Variants in SLC38A2 observed in about 807,000 individuals in gnomAD.
SLC38A2 encodes solute carrier family 38 member 2, also known as sodium-coupled neutral amino acid symporter 2.
A neutral mutation model predicts 61.5 loss-of-function variants in SLC38A2; 11 were observed. The observed-to-expected ratio is 0.18, with a 90% CI of 0.11 to 0.30. The LOEUF is 0.30. Among genes scored for constraint, SLC38A2 ranks in the 10% least tolerant of loss-of-function variants. The pLI is 1.00. For missense variants in SLC38A2, 522 were observed against 600.4 expected (o/e 0.87, Z 1.36); for synonymous variants, 217 against 212.5 (o/e 1.02, Z -0.18).
At position 46,359,297 on chromosome 12, in the gene SLC38A2, T is replaced by C. The variant is rs1018604525; in HGVS notation, c.*1814A>G. On this transcript the variant is annotated 3_prime_UTR_variant, in exon 16 of 16. Coordinates refer to ENST00000256689, the MANE Select transcript of SLC38A2 (RefSeq NM_018976.5). ...AATCTGTCTTCCCACTGCCTTTCTA[T>C]TTCTAGATGGCCCCCAATTATTTTA... 1 of 152,620 alleles carries C rather than the reference T, an allele frequency of 6.6e-6. No homozygotes were observed. The highest frequency in any genetic ancestry group is 1.5e-5 in the Non-Finnish European group (1 of 68,024). 9.5% of individuals were successfully genotyped at this position (152,620 alleles called of 1,614,324 possible). A position where few individuals can be genotyped will look rare whatever the true frequency, so the allele number is the denominator to read the frequency against.
chr12:46,372,595 C>T lies in SLC38A2; in HGVS notation c.-173G>A, dbSNP rs938023742. On this transcript the variant is annotated 5_prime_UTR_variant, in exon 1 of 16. Coordinates refer to ENST00000256689, the MANE Select transcript of SLC38A2 (RefSeq NM_018976.5). ...CATAAAAAACAAACAAAAAATTTCC[C>T]CAAATCCAACAACAGGCAGGAAAAA... 3.8e-5 allele frequency: 15 copies of T among 398,162 alleles called. No homozygotes were observed. Among genetic ancestry groups the T allele is most frequent in the South Asian group, 1.3e-4 (1 of 7,840 alleles). The allele number at this position is 398,162 out of a possible 1,614,324, so 24.7% of individuals were successfully genotyped here. A position where few individuals can be genotyped will look rare whatever the true frequency, so the allele number is the denominator to read the frequency against.
At chr12:46,363,171 T>C (rs781688266) in intron 12 of SLC38A2, 26 bp from the exon 13 acceptor site, 2 of 1,606,722 alleles carry the variant, frequency 1.2e-6, no homozygotes, top group South Asian at 2.2e-5. Flanking sequence ...AAAAAAACTT[T>C]GATTGGCTGT....
At chr12:46,370,688 T>C (rs1374353145) in intron 3 of SLC38A2, 61 bp from the exon 4 acceptor site, 5 of 1,553,068 alleles carry the variant, frequency 3.2e-6, no homozygotes, top group Non-Finnish European at 3.5e-6. Context: ...AAAACCAGCT[T>C]TGGGCAAGTT....
chr12:46,363,207 T>C, intron 12 of SLC38A2, 62 bp from the exon 13 acceptor site: 1 of 1,575,242 alleles, frequency 6.3e-7, no homozygotes, highest in South Asian at 1.2e-5. Context: ...AGTAGAAAAT[T>C]TAACAGCAAA....
At chr12:46,362,800 AC>A (rs1943096127) in intron 13 of SLC38A2, 162 bp from the exon 14 acceptor site, 8 of 937,010 alleles carry the variant, frequency 8.5e-6, no homozygotes, top group Non-Finnish European at 1.1e-5. Flanking sequence ...TGTTTCCTGA[AC>A]ATCTGAACAC....
At chr12:46,362,910 AC>A in intron 13 of SLC38A2, 110 bp downstream of exon 13, 1 of 1,379,200 alleles carries the variant, frequency 7.3e-7, no homozygotes, top group Non-Finnish European at 9.9e-7. Context: ...ACCACCACCA[AC>A]TTAGTATTGT....
rs1484331883 is a variant in SLC38A2, at chr12:46,362,399, T to C, written c.1325-18A>G. 2.5e-6 allele frequency: 4 copies of C among 1,604,454 alleles called. No individual in the cohort carries two copies. Among genetic ancestry groups the C allele is most frequent in the Non-Finnish European group, 3.4e-6 (4 of 1,176,638 alleles). The stretch of plus-strand genomic sequence containing the variant: ...AGATGCACCTGTAAAACAACATTTA[T>C]GTTTCTTGAGGATTCAATGAACCAC... On this transcript the variant is annotated intron_variant, in intron 14 of 15. Coordinates refer to ENST00000256689, the MANE Select transcript of SLC38A2 (RefSeq NM_018976.5).
At position 46,371,377 on chromosome 12, in the gene SLC38A2, G is replaced by T; in HGVS notation, c.-84C>A. ...CGGTGGGTGCAGCGGCCCGCGAGTCGGCCTGCGAAAGTAGAGGCGGCGCGT... is the reference window on the plus strand; with the variant it reads ...CGGTGGGTGCAGCGGCCCGCGAGTCTGCCTGCGAAAGTAGAGGCGGCGCGT... On this transcript the variant is annotated splice_region_variant and 5_prime_UTR_variant, in exon 2 of 16. Coordinates refer to ENST00000256689, the MANE Select transcript of SLC38A2 (RefSeq NM_018976.5). The T allele has an allele frequency of 8.8e-7, 1 of 1,133,564 alleles. No individual in the cohort carries two copies. The highest frequency in any genetic ancestry group is 2.4e-5 in the East Asian group (1 of 41,784). 70.2% of individuals were successfully genotyped at this position (1,133,564 alleles called of 1,614,324 possible).
intron 7 of SLC38A2, among the ~76,000 whole-genome samples, chr12:46,365,705 C>A (rs986537306): frequency 1.3e-5 from 2 of 151,972 alleles, no homozygotes; most frequent in East Asian, 1.9e-4. Context: ...CTGCCCCCCC[C>A]ATAAAAAAAA....
chr12:46,365,288 C>G, intron 7 of SLC38A2, 99 bp from the exon 8 acceptor site: 1 of 949,166 alleles, frequency 1.1e-6, no homozygotes, highest in Non-Finnish European at 1.7e-6. Context: ...ACCATGAAAA[C>G]AAACACACAA....
At chr12:46,362,888 A>T in intron 13 of SLC38A2, 133 bp downstream of exon 13, 2 of 1,162,902 alleles carry the variant, frequency 1.7e-6, no homozygotes, top group Non-Finnish European at 2.4e-6. Context: ...ATTTTTAAAA[A>T]GCCCCTTCAA....
At chr12:46,361,316 A>G in intron 15 of SLC38A2, 107 bp from the exon 16 acceptor site, 1 of 859,918 alleles carries the variant, frequency 1.2e-6, no homozygotes, top group Non-Finnish European at 1.9e-6. Context: ...TATCCACTAT[A>G]TAATCTATAG....
At chr12:46,371,406 G>T in intron 1 of SLC38A2, 27 bp from the exon 2 acceptor site, 1 of 799,690 alleles carries the variant, frequency 1.3e-6, no homozygotes, top group East Asian at 2.6e-5. Flanking sequence ...GGCGCGTCAG[G>T]ACCGCAGCGC....
chr12:46,364,740 T>C, intron 8 of SLC38A2, 38 bp from the exon 9 acceptor site: 1 of 1,562,670 alleles, frequency 6.4e-7, no homozygotes, highest in Non-Finnish European at 8.7e-7. Context: ...ATTAGTTTAA[T>C]GAAACAGATT....
chr12:46,362,792 T>C (rs1455463134), intron 13 of SLC38A2, 154 bp from the exon 14 acceptor site: 9 of 980,724 alleles, frequency 9.2e-6, no homozygotes, highest in Non-Finnish European at 1.0e-5. Flanking sequence ...TTCTCTGCTG[T>C]TTCCTGAACA....
Position 46,363,917 on chromosome 12 carries a change from T to C in SLC38A2, c.953+7A>G. 1 of 1,603,428 alleles carries C rather than the reference T, an allele frequency of 6.2e-7. No homozygotes were observed. The highest frequency in any genetic ancestry group is 1.3e-5 in the African/African-American group (1 of 74,378). Reference sequence around the variant, plus strand: ...TTCTCAAATTTATGTAAAAATGAAATACTCACTCTTTCAGTTCTTCATAGA... The same window carrying C: ...TTCTCAAATTTATGTAAAAATGAAACACTCACTCTTTCAGTTCTTCATAGA... On this transcript the variant is annotated splice_region_variant and intron_variant, in intron 11 of 15. Transcript: ENST00000256689.
At chr12:46,371,524 C>T (rs1167700268) in intron 1 of SLC38A2, 145 bp from the exon 2 acceptor site, 1 of 500,936 alleles carries the variant, frequency 2.0e-6, no homozygotes. Flanking sequence ...GGGGGCGCGC[C>T]GAGGGGCGGA....
rs762954573 is a variant in SLC38A2 at position 46,359,825 on chromosome 12, CAAGT to C, written c.*1282_*1285del. ...TAGCTAACCATTTGTTGGATGTAAA[CAAGT>C]AATTCTACGTTGTACAAGAATGAGA... is the stretch of plus-strand genomic sequence containing the variant. On this transcript the variant is annotated 3_prime_UTR_variant, in exon 16 of 16. Transcript: ENST00000256689. The C allele has an allele frequency of 6.6e-6, 1 of 152,602 alleles. No homozygotes were observed. Among genetic ancestry groups the C allele is most frequent in the Non-Finnish European group, 1.5e-5 (1 of 68,016 alleles). The allele number at this position is 152,602 out of a possible 1,614,324, so 9.5% of individuals were successfully genotyped here. A position where few individuals can be genotyped will look rare whatever the true frequency, so the allele number is the denominator to read the frequency against.
rs763166537 is a variant in SLC38A2, at chr12:46,364,446, T to C, written c.816A>G (p.Ser272=). 1.4e-5 allele frequency: 22 copies of C among 1,609,502 alleles called. No homozygotes were observed. The South Asian group carries it at 2.2e-4, about 16-fold the overall frequency. ...TQPTALVPAL[S]HNVTENDSCR... ...AAGAGTCATTTTCAGTCACGTTATG[T>C]GACAAAGCAGGTACAAGAGCTGTTG... Residue 272 remains serine, a synonymous_variant, in exon 10 of 16, where the codon TCA becomes TCG. Coordinates refer to ENST00000256689, the MANE Select transcript of SLC38A2 (RefSeq NM_018976.5).
Sources: allele counts gnomAD v4.1 joint callset (sites outside exome capture counted in the v4.1 genomes callset), GRCh38; gene constraint gnomAD v4.1.1; transcripts MANE v1.5; gene names NCBI Gene and HGNC (gene_info 2026-07-23, HGNC 2026-07-21).